The following SLC7A6 variants were observed in gnomAD, a reference collection of about 807,000 sequenced individuals.
SLC7A6 encodes Y+L amino acid transporter 2.
In SLC7A6, 29 loss-of-function variants were observed where a neutral mutation model predicts 46.6. The observed-to-expected ratio is 0.62, with a 90% CI of 0.46 to 0.85. SLC7A6 has a LOEUF of 0.85. Among genes scored for constraint, SLC7A6 ranks in the 40% least tolerant of loss-of-function variants. The probability of loss-of-function intolerance (pLI) is 0.00; values close to 1 mark genes in which losing one functional copy is unlikely to be tolerated. For missense variants in SLC7A6, 527 were observed against 647.6 expected (o/e 0.81, Z 2.02); for synonymous variants, 276 against 257.3 (o/e 1.07, Z -0.70).
intron 7 of SLC7A6, 101 bp downstream of exon 7, chr16:68,291,762 G>GTGTGTGTGT (rs1555532339): frequency 1.1e-5 from 6 of 545,990 alleles, no homozygotes; most frequent in Non-Finnish European, 9.6e-6. Flanking sequence ...GGGCATATAG[G>GTGTGTGTGT]GTGTGTGTGT....
At chr16:68,296,595 C>A (rs761048076) in intron 9 of SLC7A6, 32 bp from the exon 10 acceptor site, 3 of 1,613,734 alleles carry the variant, frequency 1.9e-6, no homozygotes, top group East Asian at 2.2e-5. Context: ...CCTCTTCCCA[C>A]GTTACTTAAT....
At chr16:68,291,820 T>C (rs141810962) in intron 7 of SLC7A6, 159 bp downstream of exon 7, 2 of 610,468 alleles carry the variant, frequency 3.3e-6, no homozygotes, top group East Asian at 5.6e-5. Context: ...GGGCATGTAC[T>C]TGCCTTTGTG....
At chr16:68,292,723 T>C (rs2043081900) in intron 7 of SLC7A6, 3 of 152,282 alleles carry the variant, frequency 2.0e-5, no homozygotes, top group Admixed American at 1.3e-4. Context: ...CATTTTCCCA[T>C]CTGTTAAGAG....
chr16:68,288,812 A>C (rs2042988539), intron 4 of SLC7A6, among the ~76,000 whole-genome samples: 1 of 151,694 alleles, frequency 6.6e-6, no homozygotes, highest in Admixed American at 6.6e-5. Flanking sequence ...AAAAATACAA[A>C]AATTGGCTGG....
intron 3 of SLC7A6, chr16:68,284,465 C>T (rs1053050470): frequency 5.8e-6 from 1 of 172,808 alleles, no homozygotes; most frequent in African/African-American, 2.4e-5. Flanking sequence ...TTGTATCCTT[C>T]CAGCTGGTCT....
chr16:68,267,166 C>G (rs1210348298), intron 2 of SLC7A6, among the ~76,000 whole-genome samples: 1 of 147,830 alleles, frequency 6.8e-6, no homozygotes, highest in Non-Finnish European at 1.5e-5. Flanking sequence ...AACTCCTGAG[C>G]TCAGGCAATC....
intron 3 of SLC7A6, among the ~76,000 whole-genome samples, chr16:68,278,786 C>T (rs1263729336): frequency 2.0e-5 from 3 of 152,226 alleles, no homozygotes; most frequent in Non-Finnish European, 4.4e-5. Flanking sequence ...TCGACAAAAC[C>T]GCCATCGTCA....
At chr16:68,292,662 C>T (rs1294018377) in intron 7 of SLC7A6, 1 of 152,096 alleles carries the variant, frequency 6.6e-6, no homozygotes, top group Non-Finnish European at 1.5e-5. Flanking sequence ...CATACCTGGC[C>T]CTGGAGGCAT....
At chr16:68,274,577 T>C (rs1472818131) in intron 2 of SLC7A6, 114 bp from the exon 3 acceptor site, 18 of 823,312 alleles carry the variant, frequency 2.2e-5, no homozygotes, top group Admixed American at 1.0e-4. Context: ...CTATTGTAGT[T>C]AGGGCTGTGT....
intron 4 of SLC7A6, among the ~76,000 whole-genome samples, chr16:68,289,830 T>C (rs372740528): frequency 1.3e-5 from 2 of 152,242 alleles, no homozygotes; most frequent in East Asian, 3.9e-4. Context: ...CATGCAACCA[T>C]AGCTACCGCA....
At chr16:68,275,581 GCAAAAC>G (rs2042698031) in intron 3 of SLC7A6, among the ~76,000 whole-genome samples, 1 of 120,438 alleles carries the variant, frequency 8.3e-6, no homozygotes, top group African/African-American at 3.3e-5. Flanking sequence ...GGCAACAAGA[GCAAAAC>G]TCTGTCTCCA....
intron 3 of SLC7A6, among the ~76,000 whole-genome samples, chr16:68,275,962 A>G (rs2042705578): frequency 6.6e-6 from 1 of 152,062 alleles, no homozygotes; most frequent in African/African-American, 2.4e-5. Context: ...AAAAAGAGTT[A>G]TTTTATTTCC....
At chr16:68,290,653 C>G in intron 5 of SLC7A6, 113 bp downstream of exon 5, 1 of 1,254,230 alleles carries the variant, frequency 8.0e-7, no homozygotes. Context: ...CCCTCTTCTC[C>G]CTACTCCCCC....
intron 2 of SLC7A6, among the ~76,000 whole-genome samples, chr16:68,269,214 A>G (rs1422131939): frequency 6.6e-6 from 1 of 152,132 alleles, no homozygotes; most frequent in East Asian, 1.9e-4. Flanking sequence ...ATTATTTTAA[A>G]TTCCTTGTTT....
chr16:68,292,027 A>C (rs2043066736), intron 7 of SLC7A6: 1 of 217,322 alleles, frequency 4.6e-6, no homozygotes, highest in Non-Finnish European at 9.2e-6. Context: ...ATCTGAGATG[A>C]GGACAGATTG....
chr16:68,280,864 G>A (rs889002268), intron 3 of SLC7A6, among the ~76,000 whole-genome samples: 2 of 152,110 alleles, frequency 1.3e-5, no homozygotes, highest in Admixed American at 6.6e-5. Flanking sequence ...CCTCCTGAGT[G>A]CTGGGACAAC....
chr16:68,271,179 G>C (rs761992876), intron 2 of SLC7A6, among the ~76,000 whole-genome samples: 1 of 151,898 alleles, frequency 6.6e-6, no homozygotes, highest in Non-Finnish European at 1.5e-5. Flanking sequence ...TTTTTATAGA[G>C]ACGGAACCTC....
intron 3 of SLC7A6, among the ~76,000 whole-genome samples, chr16:68,276,376 G>A (rs1377016006): frequency 6.6e-6 from 1 of 152,208 alleles, no homozygotes; most frequent in Admixed American, 6.5e-5. Context: ...ACTGCCAGAG[G>A]TACTTAATAA....
chr16:68,291,762 G>GGTGGGTGTGTGTGTGTGTGTGT lies in SLC7A6; in HGVS notation c.1022+104_1022+105insGGTGTGTGTGTGTGTGTGTGTG, dbSNP rs1555532337. The GGTGGGTGTGTGTGTGTGTGTGT allele has an allele frequency of 5.9e-6, 3 of 508,314 alleles. 1 individual carries two copies. In the African/African-American group the frequency reaches 6.6e-5, roughly 11 times the overall value. The allele number at this position is 508,314 out of a possible 1,614,324, so 31.5% of individuals were successfully genotyped here. A position where few individuals can be genotyped will look rare whatever the true frequency, so the allele number is the denominator to read the frequency against. On this transcript the variant is annotated intron_variant, in intron 7 of 10. Coordinates refer to ENST00000219343, the MANE Select transcript of SLC7A6 (RefSeq NM_003983.6). Reference sequence around the variant, plus strand: ...TTCCCTCCTTCTCATGGGCATATAGGGTGTGTGTGTGTGTGTGTGTGTGTG... The same window carrying GGTGGGTGTGTGTGTGTGTGTGT: ...TTCCCTCCTTCTCATGGGCATATAGGGTGGGTGTGTGTGTGTGTGTGTGTGTGTGTGTGTGTGTGTGTGTGTG...
Sources: gnomAD v4.1 joint callset for allele counts (sites outside exome capture counted in the v4.1 genomes callset) on GRCh38, gnomAD v4.1.1 for gene constraint, MANE v1.5 for transcripts, NCBI Gene and HGNC (gene_info 2026-07-23, HGNC 2026-07-21) for gene names.